CNOT10: variants seen among roughly 807,000 people sequenced by gnomAD.
CNOT10 encodes the protein CCR4-NOT transcription complex, subunit 10.
In CNOT10, 30 loss-of-function variants were observed where a neutral mutation model predicts 94.6. The observed-to-expected ratio is 0.32, with a 90% CI of 0.24 to 0.43. The LOEUF (loss-of-function observed/expected upper bound fraction) is 0.43, where lower values mean the gene tolerates loss of function less well. CNOT10 is among the 20% of genes least tolerant of loss of function. The pLI is 1.00. For missense variants in CNOT10, 759 were observed against 877.2 expected (o/e 0.87, Z 1.70); for synonymous variants, 289 against 301.6 (o/e 0.96, Z 0.43).
At chr3:32,754,482 A>AAAAAAGT (rs1700117350) in intron 13 of CNOT10, among the ~76,000 whole-genome samples, 2 of 44,164 alleles carry the variant, frequency 4.5e-5, no homozygotes, top group Non-Finnish European at 8.5e-5. Flanking sequence ...GTCTCAAAAA[A>AAAAAAGT]AAAAAAAATA....
At chr3:32,707,499 G>A (rs926746878) in intron 3 of CNOT10, among the ~76,000 whole-genome samples, 2 of 152,142 alleles carry the variant, frequency 1.3e-5, no homozygotes, top group East Asian at 1.9e-4. Context: ...GTATAAAGTG[G>A]AAATGAAATT....
chr3:32,753,903 T>C, intron 13 of CNOT10: 1 of 1,277,854 alleles, frequency 7.8e-7, no homozygotes, highest in Non-Finnish European at 1.1e-6. Flanking sequence ...AAGTACTAAA[T>C]AAATTAATTT....
chr3:32,747,953 C>A (rs1337960317), intron 13 of CNOT10, among the ~76,000 whole-genome samples: 1 of 151,344 alleles, frequency 6.6e-6, no homozygotes, highest in South Asian at 2.1e-4. Flanking sequence ...TCCCAACGCT[C>A]CCCCCACCTC....
At position 32,735,216 on chromosome 3, in the gene CNOT10, G is replaced by A. The variant is rs149211488; in HGVS notation, c.1514+240G>A. Among the ~76,000 whole-genome samples the A allele has an allele frequency of 1.4e-4, 21 of 152,192 alleles. No homozygotes were observed. The East Asian group carries it at 3.3e-3, about 24-fold the overall frequency. Reference sequence around the variant, plus strand: ...TAGAAAGTAGCAGCTTTGGCCGGACGCAGTGGCTCATGCCTGCCTGTAAAA... The same window carrying A: ...TAGAAAGTAGCAGCTTTGGCCGGACACAGTGGCTCATGCCTGCCTGTAAAA... On this transcript the variant is annotated intron_variant, in intron 12 of 18. Transcript: ENST00000328834.
At chr3:32,746,116 A>G (rs1699688626) in intron 13 of CNOT10, among the ~76,000 whole-genome samples, 1 of 152,212 alleles carries the variant, frequency 6.6e-6, no homozygotes, top group Non-Finnish European at 1.5e-5. Context: ...TATATGACAA[A>G]CAAAACTTTA....
In CNOT10 at chr3:32,773,735, T is replaced by G; in HGVS notation, c.*124T>G. On this transcript the variant is annotated 3_prime_UTR_variant, in exon 19 of 19. Transcript: ENST00000328834. ...GTTAATTTTGAGTCAATTCTACCCC[T>G]GACATTTGGCCAAAAGCTTACTTAA... The G allele has an allele frequency of 9.8e-7, 1 of 1,017,886 alleles. No homozygotes were observed. The highest frequency in any genetic ancestry group is 1.4e-6 in the Non-Finnish European group (1 of 728,484). 63.1% of individuals were successfully genotyped at this position (1,017,886 alleles called of 1,614,324 possible). A position where few individuals can be genotyped will look rare whatever the true frequency, so the allele number is the denominator to read the frequency against.
At chr3:32,686,633 A>T (rs775754280) in intron 1 of CNOT10, among the ~76,000 whole-genome samples, 7 of 152,240 alleles carry the variant, frequency 4.6e-5, no homozygotes, top group Admixed American at 6.5e-5. Context: ...GGAATGAGCC[A>T]TAAGAAATGA....
intron 13 of CNOT10, among the ~76,000 whole-genome samples, chr3:32,752,573 T>G (rs1255782287): frequency 6.6e-6 from 1 of 152,200 alleles, no homozygotes; most frequent in Non-Finnish European, 1.5e-5. Flanking sequence ...TTCTGTTGGA[T>G]TTGGACTATG....
chr3:32,746,836 CAAAAA>C (rs71630540), intron 13 of CNOT10, among the ~76,000 whole-genome samples: 7,725 of 84,320 alleles, frequency 0.092, 262 homozygotes, highest in Middle Eastern at 0.15. Flanking sequence ...GACTCCGTCT[CAAAAA>C]AAAAAAAAAA....
At chr3:32,702,088 A>C (rs113511285) in intron 1 of CNOT10, among the ~76,000 whole-genome samples, 1 of 144,804 alleles carries the variant, frequency 6.9e-6, no homozygotes. Context: ...GTGAGCCACC[A>C]CACCTGGCCT....
chr3:32,746,447 A>G (rs527837251), intron 13 of CNOT10, among the ~76,000 whole-genome samples: 5 of 152,184 alleles, frequency 3.3e-5, no homozygotes, highest in East Asian at 1.9e-4. Flanking sequence ...AGATGGTCCC[A>G]TGTGGGGGTG....
chr3:32,691,919 G>A (rs78053300), intron 1 of CNOT10, among the ~76,000 whole-genome samples: 1 of 151,674 alleles, frequency 6.6e-6, no homozygotes, highest in South Asian at 2.1e-4. Flanking sequence ...TAGTGGTGGC[G>A]CATGCCTGTA....
chr3:32,703,983 G>A (rs76808846), intron 2 of CNOT10, 21 bp downstream of exon 2: 71,443 of 1,471,584 alleles, frequency 0.049, 2,029 homozygotes, highest in Middle Eastern at 0.095. Flanking sequence ...GCTTCTCTTA[G>A]TCTGCTCAAG....
chr3:32,759,788 G>A (rs1283806156), intron 14 of CNOT10, among the ~76,000 whole-genome samples: 1 of 152,156 alleles, frequency 6.6e-6, no homozygotes. Flanking sequence ...TCGGACTCTA[G>A]TGTCCACTTC....
At position 32,704,808 on chromosome 3, in the gene CNOT10, T is replaced by C. The variant is rs750088458; in HGVS notation, c.118-3T>C. On this transcript the variant is annotated splice_region_variant and splice_polypyrimidine_tract_variant and intron_variant, in intron 2 of 18. Transcript: ENST00000328834. ...GTGTGTGTGTGTGGTTTTTTTTTTT[T>C]AGTCTGGAAATTATGATGCCTGTCT... 3.2e-6 allele frequency: 5 copies of C among 1,563,926 alleles called. No homozygotes were observed. Among genetic ancestry groups the C allele is most frequent in the African/African-American group, 2.8e-5 (2 of 70,912 alleles).
chr3:32,754,506 A>ATTTATT (rs1189415995), intron 13 of CNOT10, among the ~76,000 whole-genome samples: 1 of 104,418 alleles, frequency 9.6e-6, no homozygotes, highest in Non-Finnish European at 1.8e-5. Flanking sequence ...ATATATATAT[A>ATTTATT]TATTTATTTT....
intron 13 of CNOT10, among the ~76,000 whole-genome samples, chr3:32,751,217 C>G (rs941945442): frequency 6.6e-6 from 1 of 152,142 alleles, no homozygotes; most frequent in African/African-American, 2.4e-5. Context: ...CCTCCCACCT[C>G]TGCGTCCCAA....
chr3:32,713,323 A>G lies in CNOT10; in HGVS notation c.527A>G (p.Glu176Gly). ...EKALHLLAVL[E>G]KMISQGNNNK... ...GCTTTGCATCTTCTTGCTGTCCTAG[A>G]AAAAATGATTTCACAGGGTAACAAT... is the stretch of plus-strand genomic sequence containing the variant. Residue 176 changes from glutamate (E) to glycine (G), a missense_variant, in exon 5 of 19, where the codon GAA (glutamate) becomes GGA (glycine). This residue lies in a region of CNOT10 where 682 missense variants were observed against 799.4 expected (regional missense o/e 0.85). Transcript: ENST00000328834. 1 of 1,605,486 alleles carries G rather than the reference A, an allele frequency of 6.2e-7. No individual in the cohort carries two copies.
At chr3:32,691,029 T>C (rs1273823360) in intron 1 of CNOT10, among the ~76,000 whole-genome samples, 2 of 138,814 alleles carry the variant, frequency 1.4e-5, no homozygotes, top group Non-Finnish European at 3.0e-5. Flanking sequence ...GGAGTCTCAC[T>C]CTGTTGCCCA....
Sources: gnomAD v4.1 joint callset for allele counts (sites outside exome capture counted in the v4.1 genomes callset) on GRCh38, gnomAD v4.1.1 for gene constraint, gnomAD v4.1.1 regional missense constraint, MANE v1.5 for transcripts, NCBI Gene and HGNC (gene_info 2026-07-23, HGNC 2026-07-21) for gene names.